The following TFDP2 variants were observed in gnomAD, a reference collection of about 807,000 sequenced individuals.
TFDP2 encodes the protein transcription factor Dp-2.
TFDP2 carries 17 observed loss-of-function variants against 59.3 expected under a neutral mutation model. The ratio of observed to expected loss-of-function variants is 0.29; its 90% CI spans 0.20 to 0.43. TFDP2 has a LOEUF of 0.43. Ranked by LOEUF, TFDP2 falls within the 20% of genes least tolerant of loss-of-function variation. The probability of loss-of-function intolerance (pLI) is 1.00; values close to 1 mark genes in which losing one functional copy is unlikely to be tolerated. For missense variants in TFDP2, 391 were observed against 528.8 expected (o/e 0.74, Z 2.56); for synonymous variants, 180 against 194.7 (o/e 0.92, Z 0.63).
chr3:142,037,394 T>C (rs553837410), intron 3 of TFDP2, among the ~76,000 whole-genome samples: 1 of 152,146 alleles, frequency 6.6e-6, no homozygotes, highest in South Asian at 2.1e-4. Flanking sequence ...TGGTAAAGGG[T>C]ATTAGTAATA....
chr3:141,952,813 G>T, intron 12 of TFDP2, 98 bp downstream of exon 12: 2 of 1,544,450 alleles, frequency 1.3e-6, no homozygotes, highest in Non-Finnish European at 1.8e-6. Flanking sequence ...AACCTGCTCA[G>T]CAGGACCTGT....
Position 142,127,664 on chromosome 3 carries a change from T to A in TFDP2, c.-93+21519A>T, listed in dbSNP as rs115832188. 3.8e-3 allele frequency among the ~76,000 whole-genome samples: 576 copies of A among 152,146 alleles called. 5 individuals carry two copies. Among genetic ancestry groups the A allele is most frequent in the African/African-American group, 0.013 (552 of 41,504 alleles). On this transcript the variant is annotated intron_variant, in intron 1 of 12. Coordinates refer to ENST00000489671, the MANE Select transcript of TFDP2 (RefSeq NM_001178139.2). ...ATTCTGCTTTTTTAATAAAACTTTTTGTTGAGATGGGATCTCACTGTGTTG... is the reference window on the plus strand; with the variant it reads ...ATTCTGCTTTTTTAATAAAACTTTTAGTTGAGATGGGATCTCACTGTGTTG...
Position 141,957,631 on chromosome 3 carries a change from C to G in TFDP2, c.1051+2043G>C, listed in dbSNP as rs151097889. Among the ~76,000 whole-genome samples, 5 of 152,094 alleles carry G rather than the reference C, an allele frequency of 3.3e-5. No individual in the cohort carries two copies. In the East Asian group the frequency reaches 9.6e-4, roughly 29 times the overall value. ...ATCCATACAATGGAATAGTATTTGG[C>G]AATAAAGAGGAATGAAATACTGATG... is the stretch of plus-strand genomic sequence containing the variant. On this transcript the variant is annotated intron_variant, in intron 11 of 12. Coordinates refer to ENST00000489671, the MANE Select transcript of TFDP2 (RefSeq NM_001178139.2).
intron 3 of TFDP2, among the ~76,000 whole-genome samples, chr3:142,035,747 T>TTTA (rs770955461): frequency 3.9e-5 from 6 of 152,298 alleles, no homozygotes; most frequent in African/African-American, 7.2e-5. Context: ...TGCTGGTTAC[T>TTTA]ATAAGTGGGA....
intron 7 of TFDP2, among the ~76,000 whole-genome samples, chr3:141,975,537 T>C (rs1437038586): frequency 6.6e-6 from 1 of 151,622 alleles, no homozygotes; most frequent in Non-Finnish European, 1.5e-5. Context: ...TACTAAAAAA[T>C]ACAAAACTTA....
At chr3:141,972,635 T>A (rs1576521709) in intron 8 of TFDP2, among the ~76,000 whole-genome samples, 2 of 152,196 alleles carry the variant, frequency 1.3e-5, no homozygotes. Context: ...ATGCCTGAGC[T>A]CTGGGATTAT....
At chr3:142,085,209 C>T (rs924812894) in intron 3 of TFDP2, among the ~76,000 whole-genome samples, 1 of 152,148 alleles carries the variant, frequency 6.6e-6, no homozygotes, top group African/African-American at 2.4e-5. Context: ...GCCATTGCAC[C>T]CAGCCGGTCA....
intron 3 of TFDP2, among the ~76,000 whole-genome samples, chr3:142,053,197 C>T (rs531609270): frequency 2.0e-5 from 3 of 152,152 alleles, no homozygotes; most frequent in South Asian, 2.1e-4. Flanking sequence ...GATGTTTGTC[C>T]GCTCCAAATC....
chr3:142,137,629 G>A (rs2062782609), intron 1 of TFDP2, among the ~76,000 whole-genome samples: 1 of 152,128 alleles, frequency 6.6e-6, no homozygotes, highest in South Asian at 2.1e-4. Context: ...TGCATCTATT[G>A]ACATAATCAT....
At chr3:142,022,715 G>C (rs1310158912) in intron 3 of TFDP2, among the ~76,000 whole-genome samples, 1 of 152,174 alleles carries the variant, frequency 6.6e-6, no homozygotes, top group Non-Finnish European at 1.5e-5. Flanking sequence ...CAGTCCGAGA[G>C]GGTAGCCAGA....
intron 1 of TFDP2, among the ~76,000 whole-genome samples, chr3:142,141,337 C>T (rs142035941): frequency 1.7e-4 from 26 of 152,240 alleles, no homozygotes; most frequent in Admixed American, 1.2e-3. Flanking sequence ...GGTGAAGTGA[C>T]GCCCTTCCCT....
intron 3 of TFDP2, among the ~76,000 whole-genome samples, chr3:142,049,236 A>G (rs2108481840): frequency 6.6e-6 from 1 of 152,338 alleles, no homozygotes; most frequent in South Asian, 2.1e-4. Flanking sequence ...AATTTTAGCT[A>G]ACTGAATTCT....
At chr3:142,122,353 A>G (rs1359537012) in intron 1 of TFDP2, among the ~76,000 whole-genome samples, 1 of 152,154 alleles carries the variant, frequency 6.6e-6, no homozygotes, top group Non-Finnish European at 1.5e-5. Context: ...CAAGAAACCT[A>G]TCTCTAAAAT....
At chr3:142,067,497 T>A (rs2060110814) in intron 3 of TFDP2, among the ~76,000 whole-genome samples, 1 of 152,042 alleles carries the variant, frequency 6.6e-6, no homozygotes, top group Non-Finnish European at 1.5e-5. Context: ...GTAGAGCTAT[T>A]CCATGCTCAT....
intron 3 of TFDP2, among the ~76,000 whole-genome samples, chr3:142,083,548 C>A (rs1285013339): frequency 6.6e-6 from 1 of 152,122 alleles, no homozygotes; most frequent in East Asian, 1.9e-4. Context: ...ATAGCCAAAG[C>A]TATCCTGAGC....
chr3:142,088,655 G>T (rs2060893200), intron 3 of TFDP2, among the ~76,000 whole-genome samples: 1 of 147,184 alleles, frequency 6.8e-6, no homozygotes, highest in Admixed American at 6.9e-5. Context: ...CTGTCACCCA[G>T]GCTGGAATGC....
intron 3 of TFDP2, among the ~76,000 whole-genome samples, chr3:142,047,280 C>T (rs1251943556): frequency 1.3e-5 from 2 of 152,162 alleles, no homozygotes; most frequent in Non-Finnish European, 2.9e-5. Flanking sequence ...TGCCTACTCC[C>T]CTCCTTTGAG....
intron 9 of TFDP2, among the ~76,000 whole-genome samples, chr3:141,965,673 C>T (rs1937928609): frequency 6.6e-6 from 1 of 151,668 alleles, no homozygotes; most frequent in South Asian, 2.1e-4. Flanking sequence ...TGGCTGAGTG[C>T]TATCTCCCCA....
At chr3:141,955,486 G>T (rs917102728) in intron 11 of TFDP2, among the ~76,000 whole-genome samples, 1 of 151,972 alleles carries the variant, frequency 6.6e-6, no homozygotes, top group East Asian at 1.9e-4. Flanking sequence ...GCTGGAGAGC[G>T]TGGAGAGAGG....
Sources: allele counts gnomAD v4.1 joint callset (sites outside exome capture counted in the v4.1 genomes callset), GRCh38; gene constraint gnomAD v4.1.1; transcripts MANE v1.5; gene names NCBI Gene and HGNC (gene_info 2026-07-23, HGNC 2026-07-21).